Variants in SMARCC1 observed in about 807,000 individuals in gnomAD.
SMARCC1 encodes the protein SWI/SNF complex subunit SMARCC1.
SMARCC1 carries 43 observed loss-of-function variants against 147.4 expected under a neutral mutation model. The observed-to-expected ratio is 0.29, with a 90% CI of 0.23 to 0.38. The LOEUF (loss-of-function observed/expected upper bound fraction) is 0.38, where lower values mean the gene tolerates loss of function less well. Among genes scored for constraint, SMARCC1 ranks in the 10% least tolerant of loss-of-function variants. The pLI is 1.00. For synonymous variants in SMARCC1, 495 were observed against 484.4 expected, an observed-to-expected ratio of 1.02 and a Z score of -0.29; for missense variants, 1,119 against 1,381.1, an observed-to-expected ratio of 0.81 and a Z score of 3.01.
At chr3:47,706,216 C>T (rs1327994156) in intron 10 of SMARCC1, among the ~76,000 whole-genome samples, 193 bp downstream of exon 10, 3 of 150,676 alleles carry the variant, frequency 2.0e-5, no homozygotes, top group African/African-American at 2.4e-5. Context: ...GGATGACAGG[C>T]GTGCACCACC....
At chr3:47,659,295 A>C (rs1349342542) in intron 21 of SMARCC1, among the ~76,000 whole-genome samples, 1 of 150,268 alleles carries the variant, frequency 6.7e-6, no homozygotes, top group South Asian at 2.1e-4. Flanking sequence ...AAAAAAAAGA[A>C]AAAAAAAAGA....
At chr3:47,611,391 C>T (rs554649569) in intron 25 of SMARCC1, among the ~76,000 whole-genome samples, 11 of 152,088 alleles carry the variant, frequency 7.2e-5, no homozygotes, top group Non-Finnish European at 7.4e-5. Context: ...TGGTGATGCA[C>T]AGTAAAATTT....
chr3:47,618,317 G>A (rs2032675486), intron 25 of SMARCC1, among the ~76,000 whole-genome samples: 1 of 151,972 alleles, frequency 6.6e-6, no homozygotes, highest in South Asian at 2.1e-4. Context: ...GAAGGTAGGA[G>A]GACTGCTTGA....
intron 11 of SMARCC1, among the ~76,000 whole-genome samples, chr3:47,698,175 T>C (rs182920542): frequency 4.0e-5 from 6 of 150,590 alleles, no homozygotes; most frequent in Non-Finnish European, 7.4e-5. Context: ...ATTCAACCAC[T>C]ACAAAAATCT....
chr3:47,748,531 A>G (rs2034592513), intron 2 of SMARCC1, among the ~76,000 whole-genome samples: 1 of 118 alleles, frequency 8.5e-3, no homozygotes, highest in Admixed American at 0.1. Flanking sequence ...GCCTATTATA[A>G]TATTTAATGA....
chr3:47,591,243 T>G (rs2032176879), intron 26 of SMARCC1, among the ~76,000 whole-genome samples: 1 of 152,064 alleles, frequency 6.6e-6, no homozygotes, highest in South Asian at 2.1e-4. Context: ...TAAAAGTCAG[T>G]AAAAGGACCA....
intron 2 of SMARCC1, among the ~76,000 whole-genome samples, chr3:47,753,145 A>G (rs902865583): frequency 1.3e-5 from 2 of 151,926 alleles, no homozygotes. Flanking sequence ...GGAGTCTGAG[A>G]CAATCCTGGC....
At chr3:47,652,946 TTTC>T (rs996987138) in intron 21 of SMARCC1, among the ~76,000 whole-genome samples, 4 of 110,810 alleles carry the variant, frequency 3.6e-5, no homozygotes, top group Admixed American at 1.9e-4. Flanking sequence ...CCAGCTTTAC[TTTC>T]TTTTTTTTTT....
intron 25 of SMARCC1, among the ~76,000 whole-genome samples, chr3:47,615,672 T>G (rs976523069): frequency 6.6e-6 from 1 of 152,058 alleles, no homozygotes; most frequent in African/African-American, 2.4e-5. Flanking sequence ...GGTACACAAT[T>G]TCTTTCTTTT....
intron 11 of SMARCC1, among the ~76,000 whole-genome samples, chr3:47,700,962 T>C (rs2106787044): frequency 6.6e-6 from 1 of 152,342 alleles, no homozygotes; most frequent in African/African-American, 2.4e-5. Context: ...CCTAGAGATT[T>C]CAATAAGTTA....
At chr3:47,720,564 C>A in intron 7 of SMARCC1, 102 bp downstream of exon 7, 1 of 831,674 alleles carries the variant, frequency 1.2e-6, no homozygotes, top group Non-Finnish European at 1.9e-6. Context: ...TGACTAAACA[C>A]AAAGCAACAA....
chr3:47,732,416 T>C (rs950315114), intron 5 of SMARCC1, among the ~76,000 whole-genome samples: 1 of 152,214 alleles, frequency 6.6e-6, no homozygotes, highest in Non-Finnish European at 1.5e-5. Flanking sequence ...CACTTTTAAT[T>C]TCCCTCAAAA....
At chr3:47,698,372 T>TC (rs2033879581) in intron 11 of SMARCC1, among the ~76,000 whole-genome samples, 4 of 152,120 alleles carry the variant, frequency 2.6e-5, no homozygotes, top group Admixed American at 2.6e-4. Context: ...AATGTGTTCT[T>TC]TCGAAGACAG....
intron 19 of SMARCC1, among the ~76,000 whole-genome samples, chr3:47,663,007 C>G (rs940709016): frequency 6.7e-6 from 1 of 148,402 alleles, no homozygotes; most frequent in Admixed American, 6.9e-5. Context: ...ACCTGGGAGG[C>G]AGAAGTTGCA....
At chr3:47,722,409 T>C (rs1204680589) in intron 6 of SMARCC1, among the ~76,000 whole-genome samples, 1 of 151,148 alleles carries the variant, frequency 6.6e-6, no homozygotes, top group Non-Finnish European at 1.5e-5. Flanking sequence ...GTGATTTTCC[T>C]GCCTCAGCCT....
rs565763095 is a variant in SMARCC1, at chr3:47,777,468, G to A, written c.195+4135C>T. On this transcript the variant is annotated intron_variant, in intron 1 of 27. Coordinates refer to ENST00000254480, the MANE Select transcript of SMARCC1 (RefSeq NM_003074.4). ...AGTACTTTGGGAGGACGAGGTTAGAGGACTACTTTGAGTCCAGAAATTTGA... is the reference window on the plus strand; with the variant it reads ...AGTACTTTGGGAGGACGAGGTTAGAAGACTACTTTGAGTCCAGAAATTTGA... Among the ~76,000 whole-genome samples, 6 of 152,048 alleles carry A rather than the reference G, an allele frequency of 3.9e-5. No homozygotes were observed. The South Asian group carries it at 1.2e-3, about 32-fold the overall frequency.
At chr3:47,667,547 T>C (rs1465047727) in intron 19 of SMARCC1, among the ~76,000 whole-genome samples, 1 of 152,066 alleles carries the variant, frequency 6.6e-6, no homozygotes, top group Non-Finnish European at 1.5e-5. Context: ...TAATTATAAA[T>C]GAACAGGAAG....
intron 11 of SMARCC1, among the ~76,000 whole-genome samples, chr3:47,696,613 A>G (rs1216021472): frequency 2.0e-5 from 3 of 149,832 alleles, no homozygotes; most frequent in Non-Finnish European, 4.4e-5. Context: ...CTGCCTCCCG[A>G]GTTCAAGTGA....
Position 47,645,833 on chromosome 3 carries a change from T to C in SMARCC1, c.2321-7053A>G, listed in dbSNP as rs8180014. Among the ~76,000 whole-genome samples the C allele has an allele frequency of 7.6e-3, 1,164 of 152,310 alleles. 84 individuals are homozygous for C. In the East Asian group the frequency reaches 0.17, roughly 22 times the overall value. On this transcript the variant is annotated intron_variant, in intron 21 of 27. Coordinates refer to ENST00000254480, the MANE Select transcript of SMARCC1 (RefSeq NM_003074.4). ...GCAAGCCAAATTTGAAATCAATTCT[T>C]TAATTAGCTATGGTTCCAAGATGAA...
Sources: allele counts gnomAD v4.1 joint callset (sites outside exome capture counted in the v4.1 genomes callset), GRCh38; gene constraint gnomAD v4.1.1; transcripts MANE v1.5; gene names NCBI Gene and HGNC (gene_info 2026-07-23, HGNC 2026-07-21).